Variants in MAN2A2 observed in about 807,000 individuals in gnomAD.
MAN2A2 encodes alpha-mannosidase 2x.
A neutral mutation model predicts 126.8 loss-of-function variants in MAN2A2; 79 were observed. That is an observed-to-expected ratio of 0.62 (90% confidence interval 0.52 to 0.75). The LOEUF is 0.75. Among genes scored for constraint, MAN2A2 ranks in the 30% least tolerant of loss-of-function variants. The pLI, the probability that MAN2A2 is intolerant of heterozygous loss-of-function variation, is 0.00. For missense variants in MAN2A2, 1,392 were observed against 1,522.4 expected (o/e 0.91, Z 1.43); for synonymous variants, 671 against 618.7 (o/e 1.08, Z -1.25).
rs781047262 is a variant in MAN2A2 at position 90,912,963 on chromosome 15, C to T, written c.2556C>T (p.His852=). ...SEVVAYYEHI[H]QAVRLYNLPG... ...TGGTTGCGTACTATGAGCACATTCA[C>T]CAGGCGGTCCGGCTTTACAATCTGC... Residue 852 remains histidine (H), a synonymous_variant, in exon 17 of 23, where the codon CAC becomes CAT. Coordinates refer to ENST00000559717, the MANE Select transcript of MAN2A2 (RefSeq NM_006122.4). The T allele has an allele frequency of 3.6e-5, 58 of 1,613,894 alleles. No homozygotes were observed. Among genetic ancestry groups the T allele is most frequent in the African/African-American group, 6.7e-5 (5 of 74,920 alleles).
At chr15:90,911,147 C>T in intron 12 of MAN2A2, 24 bp from the exon 13 acceptor site, 1 of 1,613,088 alleles carries the variant, frequency 6.2e-7, no homozygotes, top group Non-Finnish European at 8.5e-7. Flanking sequence ...GATGGTTCTT[C>T]CCTTCCGGCT....
intron 2 of MAN2A2, 73 bp downstream of exon 2, chr15:90,904,412 C>T (rs1355112894): frequency 2.0e-6 from 3 of 1,497,444 alleles, no homozygotes; most frequent in Non-Finnish European, 2.7e-6. Context: ...TCCCACCCCG[C>T]CGCCTCCCCT....
In MAN2A2 at chr15:90,906,795, G is replaced by T; in HGVS notation, c.891G>T (p.Met297Ile). 1 of 1,613,834 alleles carries T rather than the reference G, an allele frequency of 6.2e-7. No individual in the cohort carries two copies. Among genetic ancestry groups the T allele is most frequent in the East Asian group, 2.2e-5 (1 of 44,876 alleles). The change falls in exon 7 of 23, where the codon ATG becomes ATT. Residue 297 changes from methionine (M) to isoleucine (I), a missense_variant. Physicochemically the swap from Met to Ile is conservative, Grantham distance 10. Coordinates refer to ENST00000559717, the MANE Select transcript of MAN2A2 (RefSeq NM_006122.4). Reference sequence around the variant, plus strand: ...ACCCCTTTGGATACAGCTCCACCATGCCTTACCTGCTGCGCCGTGCCAACC... The same window carrying T: ...ACCCCTTTGGATACAGCTCCACCATTCCTTACCTGCTGCGCCGTGCCAACC... ...AVDPFGYSSTMPYLLRRANLT... is the reference protein window; with the variant it reads ...AVDPFGYSSTIPYLLRRANLT...
chr15:90,913,077 C>T, intron 17 of MAN2A2, 86 bp downstream of exon 17: 2 of 1,219,164 alleles, frequency 1.6e-6, no homozygotes, highest in Non-Finnish European at 2.4e-6. Context: ...CTTCTCTGTT[C>T]ATACCTCTGT....
At chr15:90,915,373 G>A (rs920144064) in intron 19 of MAN2A2, 2 of 152,154 alleles carry the variant, frequency 1.3e-5, no homozygotes, top group African/African-American at 4.8e-5. Context: ...GGTTTCCCTC[G>A]AGATCTTGTA....
At position 90,907,489 on chromosome 15, in the gene MAN2A2, CA is replaced by C; in HGVS notation, c.1191del (p.Glu398ArgfsTer92). 6.2e-7 allele frequency: 1 copy of C among 1,610,788 alleles called. No homozygotes were observed. On this transcript the variant is annotated frameshift_variant, in exon 8 of 23. Transcript: ENST00000559717. LOFTEE classifies it high-confidence loss of function. ...CGGGCCATCACAGAGGCCAACGTGG[CA>C]GAGAGGTATCTGCTTCCAGCCCTTT... ...PPRAITEANV[A>X]ERAALLLDQY...
intron 1 of MAN2A2, 43 bp from the exon 2 acceptor site, chr15:90,904,147 G>C: frequency 6.2e-7 from 1 of 1,610,476 alleles, no homozygotes; most frequent in Non-Finnish European, 8.5e-7. Flanking sequence ...ACTGCCACGG[G>C]CATTTTGCAT....
intron 11 of MAN2A2, 69 bp downstream of exon 11, chr15:90,910,752 CA>C (rs1417118354): frequency 2.5e-6 from 4 of 1,602,896 alleles, no homozygotes; most frequent in East Asian, 4.5e-5. Context: ...ATTGGGTGGT[CA>C]GGGGGTAGGC....
chr15:90,906,376 G>A lies in MAN2A2; in HGVS notation c.714G>A (p.Val238=). ...TGTGAGTCCTTAACTATAGGCTGGT[G>A]GGAAACGGGCAGCTGGAGATTGCGA... The part of the protein sequence containing the change: ...VQKRAAVRRL[V]GNGQLEIATG... Residue 238 remains valine (V), a synonymous_variant, in exon 6 of 23, where the codon GTG becomes GTA. Transcript: ENST00000559717. The A allele has an allele frequency of 6.2e-7, 1 of 1,614,134 alleles. No homozygotes were observed. The highest frequency in any genetic ancestry group is 8.5e-7 in the Non-Finnish European group (1 of 1,179,994).
rs1249508078 is a variant in MAN2A2 at position 90,906,777 on chromosome 15, T to C, written c.873T>C (p.Phe291=). 6.2e-7 allele frequency: 1 copy of C among 1,613,606 alleles called. No homozygotes were observed. Among genetic ancestry groups the C allele is most frequent in the South Asian group, 1.1e-5 (1 of 91,080 alleles). ...TPRSGWAVDP[F]GYSSTMPYLL... The stretch of plus-strand genomic sequence containing the variant: ...GCTCTGGCTGGGCAGTGGACCCCTT[T>C]GGATACAGCTCCACCATGCCTTACC... Residue 291 remains phenylalanine (F), a synonymous_variant, in exon 7 of 23, where the codon TTT becomes TTC. Coordinates refer to ENST00000559717, the MANE Select transcript of MAN2A2 (RefSeq NM_006122.4).
Position 90,911,561 on chromosome 15 carries a change from G to A in MAN2A2, c.2109+11G>A, listed in dbSNP as rs755390680. The A allele has an allele frequency of 6.9e-6, 11 of 1,601,978 alleles. No homozygotes were observed. Among genetic ancestry groups the A allele is most frequent in the Non-Finnish European group, 8.5e-6 (10 of 1,172,922 alleles). ...CCTGACGTCTACCAGGTGAGGTGTG[G>A]GCTTGTCAGGTGGGCCTGGCCCTCT... On this transcript the variant is annotated intron_variant, in intron 14 of 22. Coordinates refer to ENST00000559717, the MANE Select transcript of MAN2A2 (RefSeq NM_006122.4).
rs1478608572 is a variant in MAN2A2 at position 90,903,998 on chromosome 15, C to A, written c.-18-192C>A. ...ATAGCACCAGCCAAAGGAGAGCGTCCTCTCCACCCTAGCGGCAGAGCTGCT... is the reference window on the plus strand; with the variant it reads ...ATAGCACCAGCCAAAGGAGAGCGTCATCTCCACCCTAGCGGCAGAGCTGCT... On this transcript the variant is annotated intron_variant, in intron 1 of 22. Coordinates refer to ENST00000559717, the MANE Select transcript of MAN2A2 (RefSeq NM_006122.4). 7.7e-6 allele frequency: 5 copies of A among 650,236 alleles called. No homozygotes were observed. The African/African-American group carries it at 8.9e-5, about 12-fold the overall frequency. 40.3% of individuals were successfully genotyped at this position (650,236 alleles called of 1,614,324 possible).
chr15:90,911,364 C>G, intron 13 of MAN2A2, 21 bp from the exon 14 acceptor site: 1 of 1,613,864 alleles, frequency 6.2e-7, no homozygotes, highest in Non-Finnish European at 8.5e-7. Flanking sequence ...CCTCCTGGGT[C>G]AGCCCACCTT....
chr15:90,909,141 A>G (rs2034524039), intron 8 of MAN2A2, among the ~76,000 whole-genome samples, 186 bp from the exon 9 acceptor site: 1 of 152,188 alleles, frequency 6.6e-6, no homozygotes, highest in Non-Finnish European at 1.5e-5. Context: ...GTCAGCTGTC[A>G]GAACTGCCCA....
chr15:90,918,825 C>T (rs997190239), intron 22 of MAN2A2, 70 bp downstream of exon 22: 5 of 1,106,048 alleles, frequency 4.5e-6, no homozygotes, highest in African/African-American at 1.5e-5. Flanking sequence ...GGCTGAGATT[C>T]GGTGACAGGC....
At chr15:90,911,080 C>T (rs983068867) in intron 12 of MAN2A2, 91 bp from the exon 13 acceptor site, 13 of 1,498,814 alleles carry the variant, frequency 8.7e-6, no homozygotes, top group Non-Finnish European at 1.2e-5. Context: ...GTTCTGTGCC[C>T]AGTGCAGCCG....
At chr15:90,903,794 G>A in intron 1 of MAN2A2, 1 of 316,902 alleles carries the variant, frequency 3.2e-6, no homozygotes, top group South Asian at 2.7e-5. Context: ...GTCTCTTTGG[G>A]TTCTGGCTAA....
chr15:90,907,280 G>T, intron 7 of MAN2A2, 29 bp from the exon 8 acceptor site: 5 of 1,604,348 alleles, frequency 3.1e-6, no homozygotes, highest in Non-Finnish European at 4.3e-6. Context: ...CTGCCTGCTG[G>T]TGGTGACCAC....
chr15:90,906,576 C>T, intron 6 of MAN2A2, 79 bp downstream of exon 6: 1 of 1,605,848 alleles, frequency 6.2e-7, no homozygotes, highest in Non-Finnish European at 8.5e-7. Context: ...CAGGGATCGG[C>T]AGGGGGTGGT....
Sources: gnomAD v4.1 joint callset for allele counts (sites outside exome capture counted in the v4.1 genomes callset) on GRCh38, gnomAD v4.1.1 for gene constraint, MANE v1.5 for transcripts, NCBI Gene and HGNC (gene_info 2026-07-23, HGNC 2026-07-21) for gene names.